The following CTNNA2 variants were observed in gnomAD, a reference collection of about 807,000 sequenced individuals.
The protein encoded by CTNNA2 is catenin alpha 2, also known as catenin alpha-2.
A neutral mutation model predicts 101.0 loss-of-function variants in CTNNA2; 42 were observed. That is an observed-to-expected ratio of 0.42 (90% CI 0.32 to 0.54). The LOEUF (loss-of-function observed/expected upper bound fraction) is 0.54. Ranked by LOEUF, CTNNA2 falls within the 20% of genes least tolerant of loss-of-function variation. The pLI is 0.14. For synonymous variants in CTNNA2, 450 were observed against 456.4 expected (o/e 0.99, Z 0.18); for missense variants, 871 against 1,223.1 (o/e 0.71, Z 4.29).
At chr2:80,437,052 T>A (rs1574038122) in intron 9 of CTNNA2, among the ~76,000 whole-genome samples, 1 of 152,338 alleles carries the variant, frequency 6.6e-6, no homozygotes, top group East Asian at 1.9e-4. Context: ...TAAAAGAGGC[T>A]GCCTTGTCTC....
intron 7 of CTNNA2, among the ~76,000 whole-genome samples, chr2:80,138,156 A>G (rs1053426359): frequency 1.3e-5 from 2 of 152,172 alleles, no homozygotes; most frequent in South Asian, 2.1e-4. Flanking sequence ...GGAATAAACA[A>G]TCAATTCACC....
chr2:80,143,882 T>C (rs1203233145), intron 7 of CTNNA2, among the ~76,000 whole-genome samples: 1 of 152,114 alleles, frequency 6.6e-6, no homozygotes, highest in African/African-American at 2.4e-5. Flanking sequence ...ACATTTTGCT[T>C]TGATGGAGAG....
chr2:80,058,381 A>G (rs989613790), intron 7 of CTNNA2, among the ~76,000 whole-genome samples: 6 of 152,190 alleles, frequency 3.9e-5, no homozygotes, highest in Non-Finnish European at 2.9e-5. Flanking sequence ...AACTGATCAC[A>G]TGGTAGATAA....
chr2:79,979,896 G>A (rs1281432816), intron 7 of CTNNA2, among the ~76,000 whole-genome samples: 1 of 152,082 alleles, frequency 6.6e-6, no homozygotes, highest in Non-Finnish European at 1.5e-5. Context: ...TTACGCAGTA[G>A]GAACTTAATT....
In CTNNA2 at chr2:80,303,193, A is replaced by T. The variant is rs1676533046; in HGVS notation, c.1057-90018A>T. 1 of 1,613,976 alleles carries T rather than the reference A, an allele frequency of 6.2e-7. No individual in the cohort carries two copies. The highest frequency in any genetic ancestry group is 1.3e-5 in the African/African-American group (1 of 75,018). ...GCTCGAGGTGCAGCTCGGTGAGCTT[A>T]AACAAGCCGGCGAAAGAGTTGCGCG... On this transcript the variant is annotated intron_variant, in intron 7 of 18. Coordinates refer to ENST00000402739, the MANE Select transcript of CTNNA2 (RefSeq NM_001282597.3). The surrounding 1 kb of genome is among the most constrained non-coding windows in gnomAD (Gnocchi z 7.7).
At chr2:79,590,608 C>T (rs987381048) in intron 1 of CTNNA2, among the ~76,000 whole-genome samples, 5 of 152,050 alleles carry the variant, frequency 3.3e-5, no homozygotes, top group African/African-American at 7.2e-5. Context: ...CTTACGCTTT[C>T]GTCCTTTATT....
At chr2:79,804,747 A>G (rs1232147895) in intron 3 of CTNNA2, among the ~76,000 whole-genome samples, 1 of 152,230 alleles carries the variant, frequency 6.6e-6, no homozygotes, top group Non-Finnish European at 1.5e-5. Context: ...ACCATGGATT[A>G]GAGATTGAGA....
chr2:79,221,176 TG>T (rs2104221217), intron 2 of CTNNA2, among the ~76,000 whole-genome samples: 1 of 152,248 alleles, frequency 6.6e-6, no homozygotes, highest in South Asian at 2.1e-4. Context: ...TGACACAAGG[TG>T]TTGCTGTGTT....
At chr2:80,090,284 C>G (rs1699717286) in intron 7 of CTNNA2, among the ~76,000 whole-genome samples, 1 of 151,484 alleles carries the variant, frequency 6.6e-6, no homozygotes, top group African/African-American at 2.4e-5. Flanking sequence ...TATGTGTTTG[C>G]ATATGCTCAA....
chr2:79,369,232 C>A (rs1266532803), intron 3 of CTNNA2, among the ~76,000 whole-genome samples: 2 of 152,136 alleles, frequency 1.3e-5, no homozygotes, highest in Non-Finnish European at 2.9e-5. Flanking sequence ...AAAACAAGAG[C>A]CATTTTTAGA....
At chr2:79,699,679 T>C (rs1406884666) in intron 2 of CTNNA2, among the ~76,000 whole-genome samples, 3 of 151,168 alleles carry the variant, frequency 2.0e-5, no homozygotes, top group Non-Finnish European at 2.9e-5. Context: ...TTGGACCTTT[T>C]TGGGGGGATC....
intron 3 of CTNNA2, among the ~76,000 whole-genome samples, chr2:79,753,667 A>G (rs1313644362): frequency 6.6e-6 from 1 of 152,124 alleles, no homozygotes; most frequent in Non-Finnish European, 1.5e-5. Context: ...CTAACTCAAA[A>G]CTAAGGGGAA....
At chr2:79,959,049 GT>G (rs78384712) in intron 7 of CTNNA2, among the ~76,000 whole-genome samples, 30,044 of 150,636 alleles carry the variant, frequency 0.2, 3,443 homozygotes, top group East Asian at 0.54. Flanking sequence ...CTGTAGCTCC[GT>G]TTTTTTTTCT....
chr2:80,204,763 A>C (rs1451490257), intron 7 of CTNNA2, among the ~76,000 whole-genome samples: 1 of 151,910 alleles, frequency 6.6e-6, no homozygotes, highest in African/African-American at 2.4e-5. Context: ...TACTGGTACC[A>C]ATTTACTGTA....
chr2:80,452,006 T>A (rs1402394150), intron 9 of CTNNA2, among the ~76,000 whole-genome samples: 1 of 152,226 alleles, frequency 6.6e-6, no homozygotes, highest in Non-Finnish European at 1.5e-5. Flanking sequence ...GCTAGTTATA[T>A]ATCAAAGCAT....
At chr2:79,364,535 T>A (rs1382568888) in intron 3 of CTNNA2, among the ~76,000 whole-genome samples, 2 of 152,202 alleles carry the variant, frequency 1.3e-5, no homozygotes, top group East Asian at 3.8e-4. Context: ...CTCTTCACCT[T>A]TGACGAGAAT....
intron 9 of CTNNA2, among the ~76,000 whole-genome samples, chr2:80,495,224 G>A (rs905081175): frequency 3.9e-5 from 6 of 152,070 alleles, no homozygotes; most frequent in African/African-American, 1.2e-4. Context: ...ACTACAGCTG[G>A]GTCCTTTTAC....
chr2:79,892,559 C>T (rs1684385117), intron 6 of CTNNA2, among the ~76,000 whole-genome samples: 1 of 152,122 alleles, frequency 6.6e-6, no homozygotes, highest in South Asian at 2.1e-4. Flanking sequence ...CCAATTAGGT[C>T]AGTGTAAATA....
intron 3 of CTNNA2, among the ~76,000 whole-genome samples, chr2:79,806,660 A>T (rs1254284498): frequency 6.6e-6 from 1 of 151,696 alleles, no homozygotes; most frequent in Non-Finnish European, 1.5e-5. Flanking sequence ...CCAGTCTCCC[A>T]CGTTTGCCTC....
Sources: gnomAD v4.1 joint callset for allele counts (sites outside exome capture counted in the v4.1 genomes callset) on GRCh38, gnomAD v4.1.1 for gene constraint, Gnocchi (gnomAD v3.1) non-coding constraint, MANE v1.5 for transcripts, NCBI Gene and HGNC (gene_info 2026-07-23, HGNC 2026-07-21) for gene names.